The following SPATA6 variants were observed in gnomAD, a reference collection of about 807,000 sequenced individuals.
SPATA6 encodes the protein spermatogenesis associated 6.
SPATA6 carries 56 observed loss-of-function variants against 65.3 expected under a neutral mutation model. The observed-to-expected ratio is 0.86, with a 90% CI of 0.69 to 1.07. The LOEUF is 1.07. SPATA6 is among the 50% of genes least tolerant of loss of function. The pLI, the probability that SPATA6 is intolerant of heterozygous loss-of-function variation, is 0.00. For synonymous variants in SPATA6, 199 were observed against 213.2 expected (o/e 0.93, Z 0.58); for missense variants, 590 against 594.8 (o/e 0.99, Z 0.08).
chr1:48,449,822 T>TA (rs2148146098), intron 3 of SPATA6, among the ~76,000 whole-genome samples: 1 of 152,298 alleles, frequency 6.6e-6, no homozygotes, highest in African/African-American at 2.4e-5. Context: ...CTTTATCTGT[T>TA]AGAGGCCATA....
At chr1:48,468,371 G>A (rs1301834095) in intron 1 of SPATA6, among the ~76,000 whole-genome samples, 4 of 152,180 alleles carry the variant, frequency 2.6e-5, no homozygotes, top group African/African-American at 7.2e-5. Flanking sequence ...TCTATCAGTA[G>A]TACCTTTGAA....
chr1:48,263,139 TA>T, the SPATA6 span: 1 of 152,150 alleles, frequency 6.6e-6, no homozygotes, highest in South Asian at 2.1e-4. Context: ...TATACTTTTC[TA>T]TTTTTTCCTT....
intron 11 of SPATA6, chr1:48,325,081 T>C (rs1645716242): frequency 2.5e-6 from 1 of 395,544 alleles, no homozygotes; most frequent in Non-Finnish European, 4.8e-6. Flanking sequence ...AAAAATATCA[T>C]ATCAGTAAGG....
chr1:48,267,190 C>CCCTAGGGTGT, the SPATA6 span, among the ~76,000 whole-genome samples: 1 of 152,098 alleles, frequency 6.6e-6, no homozygotes, highest in Non-Finnish European at 1.5e-5. Context: ...CTGCTCATAT[C>CCCTAGGGTGT]CCTAGGGTGT....
chr1:48,328,382 T>TA (rs1310682242), intron 11 of SPATA6, among the ~76,000 whole-genome samples: 1 of 151,440 alleles, frequency 6.6e-6, no homozygotes, highest in Admixed American at 6.6e-5. Context: ...GATGAATGGA[T>TA]AAAAAAAAGT....
intron 3 of SPATA6, 21 bp downstream of exon 3, chr1:48,451,531 T>C (rs1656566778): frequency 2.5e-6 from 4 of 1,597,242 alleles, no homozygotes; most frequent in Non-Finnish European, 3.4e-6. Context: ...GAATCAGGAA[T>C]TAAAAAGTTA....
intron 9 of SPATA6, among the ~76,000 whole-genome samples, chr1:48,368,147 G>A (rs1647093902): frequency 6.6e-6 from 1 of 152,214 alleles, no homozygotes; most frequent in African/African-American, 2.4e-5. Context: ...GGCTTGTAGA[G>A]TTTCTGCCAA....
intron 3 of SPATA6, among the ~76,000 whole-genome samples, chr1:48,418,831 A>C: frequency 1.4e-5 from 2 of 141,242 alleles, no homozygotes; most frequent in South Asian, 2.6e-4. Flanking sequence ...GAGGGAGGGA[A>C]AGAGAGAGAG....
At chr1:48,309,257 G>A (rs139808431) in intron 11 of SPATA6, among the ~76,000 whole-genome samples, 1 of 151,846 alleles carries the variant, frequency 6.6e-6, no homozygotes, top group Non-Finnish European at 1.5e-5. Context: ...ATGCTTAATG[G>A]TATCCCACAA....
chr1:48,325,609 G>C, intron 11 of SPATA6: 1 of 813,664 alleles, frequency 1.2e-6, no homozygotes, highest in East Asian at 2.6e-5. Context: ...ACTTGTTGTG[G>C]GCAGTGTTGA....
chr1:48,301,468 A>C (rs1313759270), intron 12 of SPATA6, among the ~76,000 whole-genome samples: 1 of 151,996 alleles, frequency 6.6e-6, no homozygotes, highest in Admixed American at 6.6e-5. Context: ...AATCTCTATC[A>C]AAACACTAAT....
chr1:48,395,316 T>A lies in SPATA6; in HGVS notation c.819A>T (p.Gly273=). The change falls in exon 8 of 13, where the codon GGA becomes GGT. Residue 273 remains glycine (G), a synonymous_variant. Coordinates refer to ENST00000371847, the MANE Select transcript of SPATA6 (RefSeq NM_019073.4). ...CTCTTTCACAGTCTCTTCCAGAAGA[T>A]CCCAATAAAGTATCAGCCCTGGGAC... ...PPSPRADTLL[G]SSGRDCERDG... is the part of the protein sequence containing the mutation. The A allele has an allele frequency of 6.4e-7, 1 of 1,569,884 alleles. No individual in the cohort carries two copies. The highest frequency in any genetic ancestry group is 8.7e-7 in the Non-Finnish European group (1 of 1,155,610).
downstream of SPATA6, among the ~76,000 whole-genome samples, chr1:48,293,621 T>A (rs147733027): frequency 6.6e-6 from 1 of 152,366 alleles, no homozygotes; most frequent in South Asian, 2.1e-4. Context: ...TACTGTTAAG[T>A]AATGTTAAGT....
chr1:48,469,135 T>C (rs1231892742), intron 1 of SPATA6, among the ~76,000 whole-genome samples: 1 of 152,144 alleles, frequency 6.6e-6, no homozygotes, highest in Non-Finnish European at 1.5e-5. Flanking sequence ...ACCCAGCTAA[T>C]ATCCTTATTT....
chr1:48,398,978 G>A (rs1650872288), intron 7 of SPATA6: 1 of 162,284 alleles, frequency 6.2e-6, no homozygotes. Context: ...TAAAAAAGGA[G>A]GGTCTTCCTT....
intron 3 of SPATA6, 92 bp from the exon 4 acceptor site, chr1:48,413,243 A>G: frequency 2.1e-6 from 1 of 485,178 alleles, no homozygotes; most frequent in Non-Finnish European, 3.4e-6. Context: ...AGCCAAAGTA[A>G]TCACTAGGTA....
chr1:48,280,175 T>C, the SPATA6 span, among the ~76,000 whole-genome samples: 6 of 151,856 alleles, frequency 4.0e-5, no homozygotes, highest in Admixed American at 3.9e-4. Context: ...TGGGACACAT[T>C]CAAAGCAGTG....
intron 3 of SPATA6, among the ~76,000 whole-genome samples, chr1:48,441,200 C>T (rs978792233): frequency 2.6e-5 from 4 of 152,228 alleles, no homozygotes; most frequent in Admixed American, 1.3e-4. Context: ...GTGCCCAGGG[C>T]AAGTGCCAGC....
chr1:48,420,726 T>A (rs79478492), intron 3 of SPATA6, among the ~76,000 whole-genome samples: 2 of 152,150 alleles, frequency 1.3e-5, no homozygotes, highest in South Asian at 4.1e-4. Flanking sequence ...AGTTGCAGCA[T>A]TGACCCAGTA....
Sources: gnomAD v4.1 joint callset for allele counts (sites outside exome capture counted in the v4.1 genomes callset) on GRCh38, gnomAD v4.1.1 for gene constraint, MANE v1.5 for transcripts, NCBI Gene and HGNC (gene_info 2026-07-23, HGNC 2026-07-21) for gene names.